LRRC56: variants seen among roughly 807,000 people sequenced by gnomAD.
LRRC56 encodes leucine-rich repeat-containing protein 56.
A neutral mutation model predicts 47.8 loss-of-function variants in LRRC56; 41 were observed. That is an observed-to-expected ratio of 0.86 (90% confidence interval 0.67 to 1.11). The LOEUF (loss-of-function observed/expected upper bound fraction) is 1.11, where lower values mean the gene tolerates loss of function less well. Among genes scored for constraint, LRRC56 ranks in the 50% most tolerant of loss-of-function variants. LRRC56 has a pLI of 0.00. For missense variants in LRRC56, 759 were observed against 704.2 expected (o/e 1.08, Z -0.88); for synonymous variants, 387 against 311.2 (o/e 1.24, Z -2.56).
the LRRC56 span, chr11:507,229 G>GCGCGGGCGTGTTCGAGCCGGCT: frequency 6.6e-6 from 1 of 152,272 alleles, no homozygotes; most frequent in African/African-American, 2.4e-5. Flanking sequence ...CCAGTCAGCG[G>GCGCGGGCGTGTTCGAGCCGGCT]CGCGGGCGTG....
chr11:550,493 G>A (rs1002570845), intron 8 of LRRC56, among the ~76,000 whole-genome samples: 5 of 152,116 alleles, frequency 3.3e-5, no homozygotes, highest in Non-Finnish European at 5.9e-5. Context: ...CTGCACACAC[G>A]CCATGTCCCT....
the LRRC56 span, among the ~76,000 whole-genome samples, chr11:508,670 G>A: frequency 6.6e-6 from 1 of 151,816 alleles, no homozygotes; most frequent in African/African-American, 2.4e-5. Flanking sequence ...GGGAGGCTGA[G>A]GCAGGAGAAT....
chr11:518,693 G>A, the LRRC56 span, among the ~76,000 whole-genome samples: 3 of 152,142 alleles, frequency 2.0e-5, no homozygotes, highest in Non-Finnish European at 4.4e-5. Flanking sequence ...CGCACGAGCC[G>A]ACACCAGCAG....
upstream of LRRC56, chr11:535,195 A>C (rs1481690484): frequency 6.6e-6 from 1 of 151,112 alleles, no homozygotes; most frequent in Non-Finnish European, 1.5e-5. Flanking sequence ...TGGGGCCCGG[A>C]TTCCCGCAGG....
At chr11:529,281 A>T in the LRRC56 span, 1 of 152,398 alleles carries the variant, frequency 6.6e-6, no homozygotes, top group African/African-American at 2.4e-5. Flanking sequence ...AATCTGGCTG[A>T]GACCCCAGAC....
At chr11:552,062 C>A (rs1852425668) in intron 11 of LRRC56, 28 bp from the exon 12 acceptor site, 2 of 1,607,776 alleles carry the variant, frequency 1.2e-6, no homozygotes, top group African/African-American at 1.3e-5. Context: ...GGGCCAGAAT[C>A]CCTAAAGCAG....
chr11:512,632 A>G, the LRRC56 span, among the ~76,000 whole-genome samples: 1 of 152,176 alleles, frequency 6.6e-6, no homozygotes, highest in African/African-American at 2.4e-5. Flanking sequence ...GTTTAAAATC[A>G]CCACTCTTCT....
chr11:514,764 A>G, the LRRC56 span, among the ~76,000 whole-genome samples: 34 of 152,326 alleles, frequency 2.2e-4, no homozygotes, highest in African/African-American at 7.0e-4. Flanking sequence ...TTTTATATGC[A>G]GTGGAAAACC....
In LRRC56 at chr11:540,604, A is replaced by C. The variant is rs79948463; in HGVS notation, c.-11-70A>C. On this transcript the variant is annotated intron_variant, in intron 3 of 13. Transcript: ENST00000270115. Reference sequence around the variant, plus strand: ...GGGGCGGGGGGTTGAGGGCTGGGCCAGGGTCTCAGCCGGGCTGCAGAGGAG... The same window carrying C: ...GGGGCGGGGGGTTGAGGGCTGGGCCCGGGTCTCAGCCGGGCTGCAGAGGAG... The C allele has an allele frequency of 0.12, 163,919 of 1,375,156 alleles. 10,342 individuals carry two copies. The highest frequency in any genetic ancestry group is 0.18 in the South Asian group (14,275 of 79,812). The allele number at this position is 1,375,156 out of a possible 1,614,324, so 85.2% of individuals were successfully genotyped here.
intron 6 of LRRC56, 78 bp downstream of exon 6, chr11:544,858 G>C: frequency 1.7e-5 from 14 of 815,868 alleles, no homozygotes; most frequent in East Asian, 3.8e-5. Flanking sequence ...GATGGGGGGA[G>C]AACTTGGTGG....
the LRRC56 span, chr11:507,347 C>G: frequency 1.3e-5 from 2 of 151,582 alleles, no homozygotes; most frequent in Admixed American, 1.3e-4. Flanking sequence ...GGGGCGGGGC[C>G]CGGCGGGCGG....
the LRRC56 span, among the ~76,000 whole-genome samples, chr11:521,684 G>T: frequency 6.6e-6 from 1 of 152,186 alleles, no homozygotes; most frequent in Non-Finnish European, 1.5e-5. Flanking sequence ...GGAGACCGAG[G>T]CGGGCAGATC....
upstream of LRRC56, chr11:535,118 G>A: frequency 6.6e-6 from 1 of 151,928 alleles, no homozygotes; most frequent in Admixed American, 6.5e-5. Context: ...CCCCGGGTGT[G>A]AGGGCGCCGG....
chr11:507,477 G>C, the LRRC56 span, among the ~76,000 whole-genome samples: 1 of 151,880 alleles, frequency 6.6e-6, no homozygotes, highest in Admixed American at 6.6e-5. Flanking sequence ...CCGGGGGCGG[G>C]GTCTGGCGGG....
At chr11:552,443 G>T (rs1019671774) in intron 12 of LRRC56, 126 bp from the exon 13 acceptor site, 3 of 1,165,066 alleles carry the variant, frequency 2.6e-6, no homozygotes, top group Admixed American at 4.8e-5. Flanking sequence ...CCTGTCCCGT[G>T]GGGGGATCAG....
At chr11:513,173 C>G in the LRRC56 span, among the ~76,000 whole-genome samples, 2 of 152,242 alleles carry the variant, frequency 1.3e-5, no homozygotes, top group South Asian at 2.1e-4. Context: ...CAGTCTCGCT[C>G]TGCTCTTCCA....
the LRRC56 span, among the ~76,000 whole-genome samples, chr11:517,491 C>T: frequency 6.6e-6 from 1 of 151,010 alleles, no homozygotes; most frequent in South Asian, 2.1e-4. Flanking sequence ...GCCCAGCCAC[C>T]GCCTTATCTG....
At position 551,306 on chromosome 11, in the gene LRRC56, C is replaced by T. The variant is rs371434901; in HGVS notation, c.796+4C>T. 36 of 1,504,100 alleles carry T rather than the reference C, an allele frequency of 2.4e-5. No individual in the cohort carries two copies. The highest frequency in any genetic ancestry group is 6.9e-5 in the African/African-American group (5 of 71,978). The allele number at this position is 1,504,100 out of a possible 1,614,324, so 93.2% of individuals were successfully genotyped here. On this transcript the variant is annotated splice_donor_region_variant and intron_variant, in intron 9 of 13. Coordinates refer to ENST00000270115, the MANE Select transcript of LRRC56 (RefSeq NM_198075.4). ...GGCAACGGCCTTCCCCCGCTGGGTA[C>T]GGCAGCTGCGCCCGGAGGACCCACT...
At chr11:527,721 A>G in the LRRC56 span, among the ~76,000 whole-genome samples, 2 of 113,242 alleles carry the variant, frequency 1.8e-5, no homozygotes, top group African/African-American at 3.5e-5. Flanking sequence ...TTTTTTTGAG[A>G]CAGAGTTTCG....
Sources: allele counts gnomAD v4.1 joint callset (sites outside exome capture counted in the v4.1 genomes callset), GRCh38; gene constraint gnomAD v4.1.1; transcripts MANE v1.5; gene names NCBI Gene and HGNC (gene_info 2026-07-23, HGNC 2026-07-21).